Variants in STAP1 observed in about 807,000 individuals in gnomAD.
The protein encoded by STAP1 is signal-transducing adaptor protein 1.
STAP1 carries 30 observed loss-of-function variants against 37.8 expected under a neutral mutation model. The observed-to-expected ratio is 0.79, with a 90% CI of 0.59 to 1.08. STAP1 has a LOEUF of 1.08. Ranked by LOEUF, STAP1 falls within the 50% of genes least tolerant of loss-of-function variation. STAP1 has a pLI of 0.00. For synonymous variants in STAP1, 130 were observed against 116.0 expected (o/e 1.12, Z -0.78); for missense variants, 357 against 349.4 (o/e 1.02, Z -0.17).
Position 67,599,170 on chromosome 4 carries a change from GT to G in STAP1, c.826+5819del, listed in dbSNP as rs557311016. On this transcript the variant is annotated intron_variant, in intron 8 of 8. Coordinates refer to ENST00000265404, the MANE Select transcript of STAP1 (RefSeq NM_012108.4). ...TGTTCATCAGAGATATTGGCTTGTAGTTTTTAAAAATGTGTCTTTGTTAGTT... is the reference window on the plus strand; with the variant it reads ...TGTTCATCAGAGATATTGGCTTGTAGTTTTAAAAATGTGTCTTTGTTAGTT... Among the ~76,000 whole-genome samples the G allele has an allele frequency of 1.2e-3, 187 of 152,272 alleles. 1 individual carries two copies. The highest frequency in any genetic ancestry group is 4.2e-3 in the African/African-American group (173 of 41,552).
intron 1 of STAP1, among the ~76,000 whole-genome samples, chr4:67,569,732 T>TTGTGTG (rs57524051): frequency 6.6e-6 from 1 of 151,504 alleles, no homozygotes; most frequent in Non-Finnish European, 1.5e-5. Context: ...TTATTCCATT[T>TTGTGTG]TGTGTGTGTG....
intron 8 of STAP1, among the ~76,000 whole-genome samples, chr4:67,598,117 G>A (rs1428678326): frequency 1.3e-5 from 2 of 152,124 alleles, no homozygotes; most frequent in Non-Finnish European, 2.9e-5. Flanking sequence ...GGATCATGGG[G>A]GCAGTTTCTC....
intron 1 of STAP1, among the ~76,000 whole-genome samples, chr4:67,564,566 T>A (rs1280162136): frequency 6.6e-6 from 1 of 152,134 alleles, no homozygotes. Context: ...AGGCTTTGAC[T>A]TCAGGGTTTT....
intron 1 of STAP1, among the ~76,000 whole-genome samples, chr4:67,562,459 A>G (rs928824144): frequency 2.6e-5 from 4 of 152,138 alleles, no homozygotes; most frequent in African/African-American, 9.7e-5. Flanking sequence ...TTGAGCACAG[A>G]TCCCTAATAT....
intron 8 of STAP1, among the ~76,000 whole-genome samples, chr4:67,597,101 T>TG (rs1052992873): frequency 9.2e-5 from 14 of 152,206 alleles, no homozygotes; most frequent in Admixed American, 7.2e-4. Flanking sequence ...AATAGTTTTG[T>TG]GGGCTGGACC....
intron 6 of STAP1, among the ~76,000 whole-genome samples, chr4:67,588,278 T>G (rs942460600): frequency 6.6e-6 from 1 of 152,154 alleles, no homozygotes; most frequent in Non-Finnish European, 1.5e-5. Context: ...TTTCATTCTG[T>G]TAGTCAAAAG....
chr4:67,580,885 T>A (rs1045108170), intron 4 of STAP1, among the ~76,000 whole-genome samples: 26 of 152,256 alleles, frequency 1.7e-4, no homozygotes, highest in African/African-American at 5.3e-4. Context: ...GAATCCCATG[T>A]TGCCATATGG....
intron 7 of STAP1, among the ~76,000 whole-genome samples, chr4:67,592,353 A>G (rs536035939): frequency 6.6e-6 from 1 of 152,296 alleles, no homozygotes; most frequent in African/African-American, 2.4e-5. Context: ...TCATTTGTAT[A>G]AAAATATTAG....
intron 6 of STAP1, 119 bp from the exon 7 acceptor site, chr4:67,590,765 T>TTTTTG: frequency 5.4e-6 from 2 of 373,364 alleles, no homozygotes; most frequent in Middle Eastern, 8.4e-4. Flanking sequence ...TTTTTTTTTT[T>TTTTTG]GCCAAACTAT....
chr4:67,593,388 G>T (rs776425527), intron 8 of STAP1, 32 bp downstream of exon 8: 1 of 1,510,968 alleles, frequency 6.6e-7, no homozygotes, highest in Non-Finnish European at 9.1e-7. Context: ...TATGTTAAGG[G>T]AAACAAAACA....
chr4:67,588,932 A>G (rs6552110), intron 6 of STAP1, among the ~76,000 whole-genome samples: 151,084 of 152,244 alleles, frequency 0.99, 74,979 homozygotes, highest in East Asian at 1. Context: ...AATTTACTGA[A>G]TGCTTAAATG....
intron 8 of STAP1, among the ~76,000 whole-genome samples, chr4:67,594,721 C>T (rs1237863176): frequency 6.6e-6 from 1 of 152,174 alleles, no homozygotes; most frequent in Admixed American, 6.5e-5. Context: ...ATTTCTCTTA[C>T]TCTCATCTTT....
At chr4:67,568,281 A>T (rs938433053) in intron 1 of STAP1, among the ~76,000 whole-genome samples, 1 of 152,224 alleles carries the variant, frequency 6.6e-6, no homozygotes, top group Admixed American at 6.5e-5. Flanking sequence ...TAAAAGAGAA[A>T]ACCCTTTATA....
chr4:67,576,265 C>T (rs947533664), intron 3 of STAP1, among the ~76,000 whole-genome samples: 7 of 152,190 alleles, frequency 4.6e-5, no homozygotes, highest in Middle Eastern at 6.8e-3. Context: ...CCTGCTGTAC[C>T]TTTAATTTTT....
At chr4:67,571,182 A>T in intron 2 of STAP1, 27 bp downstream of exon 2, 1 of 1,489,676 alleles carries the variant, frequency 6.7e-7, no homozygotes, top group Non-Finnish European at 9.4e-7. Context: ...AGCTGATTCC[A>T]TTGTTTCCCA....
chr4:67,593,338 T>G lies in STAP1; in HGVS notation c.808T>G (p.Ser270Ala), dbSNP rs769139478. The G allele has an allele frequency of 1.2e-6, 2 of 1,610,836 alleles. No homozygotes were observed. The highest frequency in any genetic ancestry group is 1.7e-6 in the Non-Finnish European group (2 of 1,177,862). The stretch of plus-strand genomic sequence containing the variant: ...AGGAAATTTAAGACCATTTATATGT[T>G]CAACTGATGAAAACACTGGTATGTT... ...TRGNLRPFIC[S>A]TDENTGQEPS... The change falls in exon 8 of 9, where the codon TCA becomes GCA. Residue 270 changes from serine to alanine, a missense_variant. Coordinates refer to ENST00000265404, the MANE Select transcript of STAP1 (RefSeq NM_012108.4).
At chr4:67,603,397 G>A (rs1728385890) in intron 8 of STAP1, among the ~76,000 whole-genome samples, 1 of 152,174 alleles carries the variant, frequency 6.6e-6, no homozygotes, top group Admixed American at 6.5e-5. Context: ...TTCCCAAGCT[G>A]CAAGACAAAG....
At chr4:67,566,009 C>T (rs746263139) in intron 1 of STAP1, among the ~76,000 whole-genome samples, 6 of 135,808 alleles carry the variant, frequency 4.4e-5, no homozygotes, top group African/African-American at 1.1e-4. Context: ...AGTGCAGTGG[C>T]GCGATCTCTG....
rs1040729052 is a variant in STAP1, at chr4:67,583,697, G to C, written c.654G>C (p.Glu218Asp). The change falls in exon 6 of 9, where the codon GAG (glutamate) becomes GAC (aspartate). Residue 218 changes from glutamate (E) to aspartate (D), a missense_variant. Glu to Asp is a conservative substitution (Grantham distance 45). Coordinates refer to ENST00000265404, the MANE Select transcript of STAP1 (RefSeq NM_012108.4). The part of the protein sequence containing the change: ...SRNYSITIRQ[E>D]IDIPRIKHYK... ...ACTACTCCATCACTATTCGGCAGGAGATAGAGTATGTTTATTTTTTTTAAA... is the reference window on the plus strand; with the variant it reads ...ACTACTCCATCACTATTCGGCAGGACATAGAGTATGTTTATTTTTTTTAAA... 2.5e-6 allele frequency: 4 copies of C among 1,608,902 alleles called. No individual in the cohort carries two copies. The African/African-American group carries it at 4.0e-5, about 16-fold the overall frequency.
Sources: gnomAD v4.1 joint callset for allele counts (sites outside exome capture counted in the v4.1 genomes callset) on GRCh38, gnomAD v4.1.1 for gene constraint, MANE v1.5 for transcripts, NCBI Gene and HGNC (gene_info 2026-07-23, HGNC 2026-07-21) for gene names.